Variants in A2ML1 observed in about 807,000 individuals in gnomAD.
A2ML1 encodes the protein alpha-2-macroglobulin-like protein 1.
In A2ML1, 161 loss-of-function variants were observed where a neutral mutation model predicts 181.9. The ratio of observed to expected loss-of-function variants is 0.89; its 90% CI spans 0.78 to 1.01. The LOEUF (loss-of-function observed/expected upper bound fraction) is 1.01. Ranked by LOEUF, A2ML1 falls within the 50% of genes least tolerant of loss-of-function variation. A2ML1 has a pLI of 0.00. For synonymous variants in A2ML1, 663 were observed against 666.8 expected, an observed-to-expected ratio of 0.99 and a Z score of 0.09; for missense variants, 1,670 against 1,768.1, an observed-to-expected ratio of 0.94 and a Z score of 1.00.
chr12:8,868,371 G>A lies in A2ML1; in HGVS notation c.4061+14G>A. ...TATTCACACCAGGTGATTAAAGCTG[G>A]GGTGCTGGTGGCCGGCAGAGCACCT... On this transcript the variant is annotated intron_variant, in intron 31 of 35. Transcript: ENST00000299698. 1.9e-6 allele frequency: 3 copies of A among 1,609,062 alleles called. No homozygotes were observed. The highest frequency in any genetic ancestry group is 2.5e-6 in the Non-Finnish European group (3 of 1,178,132).
intron 33 of A2ML1, 81 bp from the exon 34 acceptor site, chr12:8,874,343 GC>G: frequency 8.8e-7 from 1 of 1,132,148 alleles, no homozygotes. Context: ...CATGAAGACA[GC>G]AAGGGTCTTT....
intron 11 of A2ML1, among the ~76,000 whole-genome samples, chr12:8,842,528 T>A (rs1943527462): frequency 6.6e-6 from 1 of 152,118 alleles, no homozygotes; most frequent in Non-Finnish European, 1.5e-5. Context: ...CCCTGTTGCA[T>A]ATGTTAACAC....
intron 14 of A2ML1, among the ~76,000 whole-genome samples, chr12:8,847,346 T>C (rs1247868364): frequency 6.6e-6 from 1 of 152,014 alleles, no homozygotes; most frequent in Non-Finnish European, 1.5e-5. Flanking sequence ...TCTCTATCCT[T>C]CTACTGTGCT....
At chr12:8,881,697 T>C (rs1001290293), downstream of A2ML1, among the ~76,000 whole-genome samples, 1 of 152,046 alleles carries the variant, frequency 6.6e-6, no homozygotes, top group South Asian at 2.1e-4. Flanking sequence ...AGAGAGAAAA[T>C]AGTGTGTTCA....
chr12:8,883,333 C>A (rs1405221599), intron 7 of A2ML1, among the ~76,000 whole-genome samples: 1 of 152,126 alleles, frequency 6.6e-6, no homozygotes, highest in Non-Finnish European at 1.5e-5. Context: ...ACAAAAAGTA[C>A]AATTTTATTT....
At chr12:8,868,200 C>G (rs79655903) in intron 30 of A2ML1, 30 bp from the exon 31 acceptor site, 2 of 1,612,520 alleles carry the variant, frequency 1.2e-6, no homozygotes, top group Non-Finnish European at 1.7e-6. Flanking sequence ...CTTTCCAAGT[C>G]TGATTTGGCT....
At chr12:8,860,805 C>A in intron 26 of A2ML1, 76 bp from the exon 27 acceptor site, 1 of 1,214,450 alleles carries the variant, frequency 8.2e-7, no homozygotes, top group South Asian at 1.2e-5. Context: ...AGAGGGGAGG[C>A]TGTTTTGCAA....
chr12:8,871,313 G>C (rs191408903), intron 33 of A2ML1, among the ~76,000 whole-genome samples: 58 of 152,260 alleles, frequency 3.8e-4, no homozygotes, highest in African/African-American at 1.4e-3. Flanking sequence ...CACTCCAAAA[G>C]AACATCTATT....
chr12:8,837,599 C>T (rs771428304), intron 8 of A2ML1, 33 bp downstream of exon 8: 15 of 1,592,626 alleles, frequency 9.4e-6, no homozygotes, highest in Admixed American at 6.8e-5. Flanking sequence ...AGGAACCTAT[C>T]GGCCAGGCAC....
rs57372825 is a variant in A2ML1, at chr12:8,837,631, C to T, written c.855+65C>T. Reference sequence around the variant, plus strand: ...GCACGGTGGCTCACGCCTGTCATCCCAGCACTTTGGGAGGCCGAGATGGGC... The same window carrying T: ...GCACGGTGGCTCACGCCTGTCATCCTAGCACTTTGGGAGGCCGAGATGGGC... On this transcript the variant is annotated intron_variant, in intron 8 of 35. Coordinates refer to ENST00000299698, the MANE Select transcript of A2ML1 (RefSeq NM_144670.6). 5.3e-3 allele frequency: 8,077 copies of T among 1,517,306 alleles called. 372 individuals carry two copies. The African/African-American group carries it at 0.098, about 18-fold the overall frequency. The allele number at this position is 1,517,306 out of a possible 1,614,324, so 94.0% of individuals were successfully genotyped here. A position where few individuals can be genotyped will look rare whatever the true frequency, so the allele number is the denominator to read the frequency against.
At chr12:8,853,113 GC>G (rs1943947380) in intron 20 of A2ML1, among the ~76,000 whole-genome samples, 1 of 152,072 alleles carries the variant, frequency 6.6e-6, no homozygotes, top group South Asian at 2.1e-4. Context: ...TCTCACCTAG[GC>G]CTCCGGAGTA....
chr12:8,884,235 T>TTG lies in A2ML1; in HGVS notation c.*95-2271_*95-2270insGT, dbSNP rs1555121085. On this transcript the variant is annotated intron_variant and NMD_transcript_variant, in intron 7 of 7. Coordinates refer to the A2ML1 transcript ENST00000537475. ...AAATTCTTTTTTTTATTTTTTGTTT[T>TTG]TTTTTGTTTTGTTTTTTTTTAACTA... 5.7e-4 allele frequency among the ~76,000 whole-genome samples: 82 copies of TTG among 144,642 alleles called. 2 individuals are homozygous for TTG. Among genetic ancestry groups the TTG allele is most frequent in the African/African-American group, 2.0e-3 (77 of 38,430 alleles). 94.9% of individuals were successfully genotyped at this position (144,642 alleles called of 152,430 possible).
At chr12:8,836,439 TG>T (rs1943278897) in intron 7 of A2ML1, 100 bp downstream of exon 7, 4 of 939,124 alleles carry the variant, frequency 4.3e-6, no homozygotes, top group Non-Finnish European at 6.6e-6. Flanking sequence ...GGCCAAAACT[TG>T]GGGCATTTTA....
chr12:8,860,455 C>T (rs1944216062), intron 26 of A2ML1, among the ~76,000 whole-genome samples: 1 of 152,146 alleles, frequency 6.6e-6, no homozygotes, highest in Admixed American at 6.5e-5. Context: ...AGGCGATAAG[C>T]AGGGAAGGTC....
chr12:8,832,562 C>G (rs1181676063), intron 4 of A2ML1, among the ~76,000 whole-genome samples: 1 of 152,126 alleles, frequency 6.6e-6, no homozygotes, highest in Non-Finnish European at 1.5e-5. Context: ...AAGATGGAGT[C>G]GGTTAGGTCT....
rs374267852 is a variant in A2ML1, at chr12:8,868,329, C to T, written c.4033C>T (p.Arg1345Ter). ...KARCEQPTSP[R>*]SLTLTIHTSY... Reference sequence around the variant, plus strand: ...TAGATGTGAGCAACCGACTTCACCTCGATCCTTGACTCTCACTATTCACAC... The same window carrying T: ...TAGATGTGAGCAACCGACTTCACCTTGATCCTTGACTCTCACTATTCACAC... Residue 1345 changes from arginine (R) to a stop codon, truncating the protein, a stop_gained, in exon 31 of 36, where the codon CGA becomes TGA. Transcript: ENST00000299698. LOFTEE classifies it high-confidence loss of function. 10 of 1,613,228 alleles carry T rather than the reference C, an allele frequency of 6.2e-6. No individual in the cohort carries two copies. The highest frequency in any genetic ancestry group is 4.0e-5 in the African/African-American group (3 of 74,852).
Position 8,854,218 on chromosome 12 carries a change from G to C in A2ML1, c.2681G>C (p.Ser894Thr). The stretch of plus-strand genomic sequence containing the variant: ...GGGTTTGTTCCCCAAAAGGGCCGAA[G>C]TGACACGCTCATCAAGCCAGTTCTC... ...QKGFVPQKGR[S>T]DTLIKPVLVK... The change falls in exon 21 of 36, where the codon AGT (serine) becomes ACT (threonine). Residue 894 changes from serine to threonine, a missense_variant. Physicochemically the swap from Ser to Thr is moderately conservative, Grantham distance 58. Transcript: ENST00000299698. 1 of 1,609,118 alleles carries C rather than the reference G, an allele frequency of 6.2e-7. No individual in the cohort carries two copies. The highest frequency in any genetic ancestry group is 8.5e-7 in the Non-Finnish European group (1 of 1,177,566).
intron 21 of A2ML1, 132 bp downstream of exon 21, chr12:8,854,381 C>A (rs773204533): frequency 7.3e-7 from 1 of 1,375,096 alleles, no homozygotes; most frequent in South Asian, 1.6e-5. Flanking sequence ...CCTTCCCTGG[C>A]CCCTTGAACA....
chr12:8,850,045 A>G lies in A2ML1; in HGVS notation c.2120-115A>G, dbSNP rs1943834619. 9 of 821,478 alleles carry G rather than the reference A, an allele frequency of 1.1e-5. No homozygotes were observed. In the South Asian group the frequency reaches 1.6e-4, roughly 14 times the overall value. 50.9% of individuals were successfully genotyped at this position (821,478 alleles called of 1,614,324 possible). On this transcript the variant is annotated intron_variant, in intron 17 of 35. Coordinates refer to ENST00000299698, the MANE Select transcript of A2ML1 (RefSeq NM_144670.6). ...CTTTGGTCCTTCCTCCTTGCCTCTG[A>G]CTGGATGTTCTCTGCTTCCCTCTAA...
Sources: allele counts gnomAD v4.1 joint callset (sites outside exome capture counted in the v4.1 genomes callset), GRCh38; gene constraint gnomAD v4.1.1; transcripts MANE v1.5; gene names NCBI Gene and HGNC (gene_info 2026-07-23, HGNC 2026-07-21).